ATM: variants seen among roughly 807,000 people sequenced by gnomAD.
ATM encodes ATM serine/threonine kinase.
In ATM, 308 loss-of-function variants were observed where a neutral mutation model predicts 387.0. The observed-to-expected ratio is 0.80, with a 90% CI of 0.73 to 0.87. The LOEUF is 0.87. ATM is among the 40% of genes least tolerant of loss of function. ATM has a pLI of 0.00. For synonymous variants in ATM, 1,156 were observed against 1,187.3 expected, an observed-to-expected ratio of 0.97 and a Z score of 0.54; for missense variants, 3,312 against 3,560.9, an observed-to-expected ratio of 0.93 and a Z score of 1.78.
chr11:108,363,524 T>G (rs2091028413), intron 61 of ATM, among the ~76,000 whole-genome samples: 1 of 152,154 alleles, frequency 6.6e-6, no homozygotes, highest in Admixed American at 6.6e-5. Context: ...CTGGAGGCAT[T>G]TTTATTGTCA....
chr11:108,352,859 TTGAAA>T (rs1198438509), intron 59 of ATM, among the ~76,000 whole-genome samples: 17 of 152,168 alleles, frequency 1.1e-4, no homozygotes, highest in African/African-American at 3.6e-4. Flanking sequence ...TATAACATAC[TTGAAA>T]TGACAAAATT....
intron 35 of ATM, among the ~76,000 whole-genome samples, chr11:108,302,626 GAGT>G (rs2083486052): frequency 6.6e-6 from 1 of 152,116 alleles, no homozygotes; most frequent in African/African-American, 2.4e-5. Context: ...ACAGAGCTGA[GAGT>G]AGAACCTAAT....
At chr11:108,245,646 T>C (rs376965581) in intron 7 of ATM, among the ~76,000 whole-genome samples, 4 of 152,224 alleles carry the variant, frequency 2.6e-5, no homozygotes, top group African/African-American at 9.6e-5. Context: ...AGTGCTTTTC[T>C]GTAGTTAGGA....
At chr11:108,300,662 TC>T (rs1349399393) in intron 34 of ATM, among the ~76,000 whole-genome samples, 1 of 152,208 alleles carries the variant, frequency 6.6e-6, no homozygotes, top group African/African-American at 2.4e-5. Context: ...TATATTTCTT[TC>T]TTTTGTTGTT....
chr11:108,255,108 T>C (rs894250958), intron 13 of ATM, among the ~76,000 whole-genome samples: 2 of 152,204 alleles, frequency 1.3e-5, no homozygotes, highest in Non-Finnish European at 2.9e-5. Flanking sequence ...GCATACATGT[T>C]TTTATTTATC....
At chr11:108,315,759 A>G in intron 40 of ATM, 64 bp from the exon 41 acceptor site, 1 of 1,303,068 alleles carries the variant, frequency 7.7e-7, no homozygotes, top group Admixed American at 1.7e-5. Flanking sequence ...ACAATTTAAA[A>G]TTTGCTAAAT....
chr11:108,309,745 C>T (rs1274833546), intron 38 of ATM, among the ~76,000 whole-genome samples: 1 of 152,076 alleles, frequency 6.6e-6, no homozygotes. Flanking sequence ...GTATTTGTGT[C>T]TTAGATGAAA....
chr11:108,247,803 C>T (rs1298231000), intron 8 of ATM, among the ~76,000 whole-genome samples: 1 of 151,714 alleles, frequency 6.6e-6, no homozygotes, highest in Non-Finnish European at 1.5e-5. Context: ...ACCATATTGG[C>T]CAGCCTAGTC....
intron 31 of ATM, among the ~76,000 whole-genome samples, chr11:108,294,593 G>A (rs1442088957): frequency 6.6e-6 from 1 of 152,144 alleles, no homozygotes; most frequent in Non-Finnish European, 1.5e-5. Flanking sequence ...TACAAAATTA[G>A]CTGGGCGTGG....
chr11:108,257,423 A>T, intron 14 of ATM, 58 bp from the exon 15 acceptor site: 3 of 1,589,002 alleles, frequency 1.9e-6, no homozygotes, highest in South Asian at 2.2e-5. Context: ...CACTGTAAAA[A>T]GCAATACTAA....
chr11:108,352,850 A>G (rs896842896), intron 59 of ATM, among the ~76,000 whole-genome samples: 7 of 152,234 alleles, frequency 4.6e-5, no homozygotes, highest in African/African-American at 1.7e-4. Flanking sequence ...TTCCATTTAT[A>G]TAACATACTT....
chr11:108,307,294 T>G (rs138628091), intron 37 of ATM, among the ~76,000 whole-genome samples: 2 of 152,120 alleles, frequency 1.3e-5, no homozygotes, highest in African/African-American at 4.8e-5. Flanking sequence ...GGATTACAGA[T>G]GTGTGCCAGC....
chr11:108,241,036 A>G (rs2135186377), intron 5 of ATM, among the ~76,000 whole-genome samples: 1 of 152,202 alleles, frequency 6.6e-6, no homozygotes, highest in Middle Eastern at 3.4e-3. Flanking sequence ...TTTTAAATGA[A>G]ATTATTATTA....
rs1060501576 is a variant in ATM, at chr11:108,292,662, T to C, written c.4480T>C (p.Cys1494Arg). 1 of 1,614,038 alleles carries C rather than the reference T, an allele frequency of 6.2e-7. No individual in the cohort carries two copies. Reference protein sequence around the residue: ...MDVSLRSFSLCCDLLSQVCQT... With the variant: ...MDVSLRSFSLRCDLLSQVCQT... Reference sequence around the variant, plus strand: ...TGTGTCATTACGTAGCTTCTCCCTTTGTTGTGACTTATTAAGTCAGGTTTG... The same window carrying C: ...TGTGTCATTACGTAGCTTCTCCCTTCGTTGTGACTTATTAAGTCAGGTTTG... Residue 1494 changes from cysteine to arginine, a missense_variant, in exon 30 of 63, where the codon TGT becomes CGT. Physicochemically the swap from Cys to Arg is radical, Grantham distance 180. Coordinates refer to ENST00000675843, the MANE Select transcript of ATM (RefSeq NM_000051.4).
intron 59 of ATM, 36 bp downstream of exon 59, chr11:108,347,401 T>G (rs755750695): frequency 7.4e-6 from 11 of 1,483,162 alleles, no homozygotes. Flanking sequence ...TTCTTTTTAG[T>G]AAATATTTGG....
At chr11:108,236,335 G>T in intron 5 of ATM, 1 of 168,034 alleles carries the variant, frequency 6.0e-6, no homozygotes, top group Non-Finnish European at 1.3e-5. Context: ...CTTGAGCTCA[G>T]GAGTTCAAGA....
At chr11:108,313,400 T>G (rs1236322355) in intron 40 of ATM, among the ~76,000 whole-genome samples, 1 of 152,218 alleles carries the variant, frequency 6.6e-6, no homozygotes, top group Non-Finnish European at 1.5e-5. Context: ...TGTCCATATT[T>G]GCTGTCTGCA....
At chr11:108,283,751 C>T (rs768365680) in intron 25 of ATM, among the ~76,000 whole-genome samples, 5 of 152,140 alleles carry the variant, frequency 3.3e-5, no homozygotes, top group African/African-American at 1.2e-4. Context: ...GCAGAACCCA[C>T]GTATATGAAA....
intron 48 of ATM, 152 bp from the exon 49 acceptor site, chr11:108,328,869 G>A (rs1415779598): frequency 7.3e-6 from 6 of 823,496 alleles, no homozygotes; most frequent in South Asian, 3.6e-5. Flanking sequence ...CCCATGGGCC[G>A]TGGGTTGGAC....
Sources: gnomAD v4.1 joint callset for allele counts (sites outside exome capture counted in the v4.1 genomes callset) on GRCh38, gnomAD v4.1.1 for gene constraint, MANE v1.5 for transcripts, NCBI Gene and HGNC (gene_info 2026-07-23, HGNC 2026-07-21) for gene names.